Variants in DLC1 observed in about 807,000 individuals in gnomAD.
DLC1 encodes the protein rho GTPase-activating protein 7.
DLC1 carries 54 observed loss-of-function variants against 140.3 expected under a neutral mutation model. The ratio of observed to expected loss-of-function variants is 0.38; its 90% CI spans 0.31 to 0.48. DLC1 has a LOEUF of 0.48. DLC1 is among the 20% of genes least tolerant of loss of function. DLC1 has a pLI of 0.96. For missense variants in DLC1, 2,536 were observed against 1,907.0 expected, an observed-to-expected ratio of 1.33 and a Z score of -6.14; for synonymous variants, 986 against 728.1, an observed-to-expected ratio of 1.35 and a Z score of -5.70.
At chr8:13,108,194 G>A (rs1337026038) in intron 7 of DLC1, among the ~76,000 whole-genome samples, 1 of 152,148 alleles carries the variant, frequency 6.6e-6, no homozygotes, top group Non-Finnish European at 1.5e-5. Flanking sequence ...GAGCCCTGGG[G>A]TTTTCCATTA....
chr8:13,428,110 C>G (rs892850416), intron 2 of DLC1, among the ~76,000 whole-genome samples: 1 of 152,092 alleles, frequency 6.6e-6, no homozygotes, highest in African/African-American at 2.4e-5. Context: ...TAATCTCAGT[C>G]TTTCCAGGCT....
chr8:13,537,018 T>C (rs1803306314), intron 1 of DLC1, among the ~76,000 whole-genome samples: 3 of 152,132 alleles, frequency 2.0e-5, no homozygotes, highest in African/African-American at 7.2e-5. Flanking sequence ...CAATATACTG[T>C]TTAGGATCTA....
chr8:13,384,331 G>C (rs1455454288), intron 4 of DLC1, among the ~76,000 whole-genome samples: 1 of 134,912 alleles, frequency 7.4e-6, no homozygotes. Context: ...CCTCGATGCA[G>C]GTAGACACCT....
chr8:13,559,975 T>A (rs906449974), intron 1 of DLC1, among the ~76,000 whole-genome samples: 2 of 152,168 alleles, frequency 1.3e-5, no homozygotes, highest in Non-Finnish European at 2.9e-5. Flanking sequence ...ATAAAACAAA[T>A]GTAAATAAGG....
At chr8:13,107,005 T>C (rs945430945) in intron 7 of DLC1, among the ~76,000 whole-genome samples, 4 of 152,226 alleles carry the variant, frequency 2.6e-5, no homozygotes, top group African/African-American at 7.2e-5. Flanking sequence ...AGGATTACCA[T>C]TGAGTATAGC....
intron 1 of DLC1, among the ~76,000 whole-genome samples, chr8:13,521,688 A>C (rs533815016): frequency 9.9e-5 from 15 of 152,194 alleles, no homozygotes; most frequent in Non-Finnish European, 1.8e-4. Flanking sequence ...TTCTCAGCCC[A>C]CCATTTGGGG....
chr8:13,333,906 C>T (rs1250788222), intron 4 of DLC1, among the ~76,000 whole-genome samples: 1 of 152,142 alleles, frequency 6.6e-6, no homozygotes, highest in Admixed American at 6.5e-5. Context: ...CTCTGTGTGC[C>T]AGACACCTTA....
At chr8:13,495,391 T>C (rs1414465744) in intron 2 of DLC1, among the ~76,000 whole-genome samples, 1 of 152,188 alleles carries the variant, frequency 6.6e-6, no homozygotes, top group African/African-American at 2.4e-5. Context: ...TGTCTCAGAA[T>C]TGCTTTTAAC....
chr8:13,200,639 C>T (rs1199717323), intron 5 of DLC1, among the ~76,000 whole-genome samples: 1 of 152,020 alleles, frequency 6.6e-6, no homozygotes, highest in Non-Finnish European at 1.5e-5. Context: ...GAGTCTCACT[C>T]TGTTGCCCAG....
At chr8:13,510,688 C>T (rs1202570356) in intron 1 of DLC1, among the ~76,000 whole-genome samples, 1 of 152,060 alleles carries the variant, frequency 6.6e-6, no homozygotes, top group African/African-American at 2.4e-5. Context: ...CGGTACACCA[C>T]CCCATTTAAA....
At chr8:13,384,227 G>T (rs557672095) in intron 4 of DLC1, among the ~76,000 whole-genome samples, 6 of 152,254 alleles carry the variant, frequency 3.9e-5, no homozygotes, top group Middle Eastern at 3.4e-3. Context: ...GTTCTTGCAA[G>T]GCCTCTGCCC....
intron 1 of DLC1, among the ~76,000 whole-genome samples, chr8:13,552,341 A>T (rs1049429872): frequency 5.3e-5 from 8 of 150,198 alleles, no homozygotes; most frequent in Non-Finnish European, 5.9e-5. Flanking sequence ...GATCTGACTG[A>T]TTGGTTAATA....
chr8:13,201,866 G>C (rs1049326186), intron 5 of DLC1, among the ~76,000 whole-genome samples: 6 of 150,594 alleles, frequency 4.0e-5, no homozygotes, highest in Admixed American at 2.0e-4. Flanking sequence ...TCATGTCACA[G>C]GGTTTGTCAT....
intron 5 of DLC1, among the ~76,000 whole-genome samples, chr8:13,219,549 C>T (rs1233048821): frequency 3.3e-5 from 5 of 150,846 alleles, no homozygotes; most frequent in Non-Finnish European, 5.9e-5. Context: ...TATATTTATA[C>T]ATCTAAATTC....
At chr8:13,491,033 T>A (rs890243037) in intron 2 of DLC1, among the ~76,000 whole-genome samples, 2 of 147,806 alleles carry the variant, frequency 1.4e-5, no homozygotes, top group South Asian at 2.1e-4. Context: ...TATATATATA[T>A]AAATTTAGAA....
chr8:13,205,116 A>T (rs1257105431), intron 5 of DLC1, among the ~76,000 whole-genome samples: 2 of 152,134 alleles, frequency 1.3e-5, no homozygotes, highest in Non-Finnish European at 2.9e-5. Flanking sequence ...ATGCCAAAAA[A>T]CTACATTGCA....
intron 5 of DLC1, chr8:13,133,048 G>T (rs1822255538): frequency 1.3e-6 from 2 of 1,570,476 alleles, no homozygotes; most frequent in African/African-American, 2.7e-5. Flanking sequence ...CTCGGCTTCC[G>T]CGTCGGGACC....
intron 5 of DLC1, among the ~76,000 whole-genome samples, chr8:13,119,331 C>A (rs930337725): frequency 2.0e-5 from 3 of 152,056 alleles, no homozygotes; most frequent in African/African-American, 7.2e-5. Flanking sequence ...CCCAAGCACT[C>A]TAGCCAAAGT....
At chr8:13,425,366 G>A (rs1331000911) in intron 2 of DLC1, among the ~76,000 whole-genome samples, 3 of 152,172 alleles carry the variant, frequency 2.0e-5, no homozygotes, top group Non-Finnish European at 4.4e-5. Flanking sequence ...GGCACATCTT[G>A]CTCTCAGAGT....
Sources: gnomAD v4.1 joint callset for allele counts (sites outside exome capture counted in the v4.1 genomes callset) on GRCh38, gnomAD v4.1.1 for gene constraint, MANE v1.5 for transcripts, NCBI Gene and HGNC (gene_info 2026-07-23, HGNC 2026-07-21) for gene names.